The following UHRF1 variants were observed in gnomAD, a reference collection of about 807,000 sequenced individuals.
The protein encoded by UHRF1 is E3 ubiquitin-protein ligase UHRF1.
A neutral mutation model predicts 96.5 loss-of-function variants in UHRF1; 9 were observed. The ratio of observed to expected loss-of-function variants is 0.09; its 90% CI spans 0.06 to 0.16. The LOEUF (loss-of-function observed/expected upper bound fraction) is 0.16. UHRF1 is among the 10% of genes least tolerant of loss of function. The probability of loss-of-function intolerance (pLI) is 1.00; values close to 1 mark genes in which losing one functional copy is unlikely to be tolerated. For missense variants in UHRF1, 626 were observed against 1,131.1 expected (o/e 0.55, Z 6.40); for synonymous variants, 455 against 469.9 (o/e 0.97, Z 0.41).
chr19:4,955,826 C>T (rs2033843305), intron 15 of UHRF1, among the ~76,000 whole-genome samples: 1 of 152,174 alleles, frequency 6.6e-6, no homozygotes, highest in Admixed American at 6.5e-5. Flanking sequence ...GTGACAGGAG[C>T]TCACCCTGTC....
chr19:4,908,668 C>T (rs1180597814), upstream of UHRF1, among the ~76,000 whole-genome samples: 1 of 152,188 alleles, frequency 6.6e-6, no homozygotes, highest in Admixed American at 6.5e-5. Flanking sequence ...TCCTCTCTCC[C>T]CGCCTCCCAC....
rs1381426748 is a variant in UHRF1 at position 4,948,676 on chromosome 19, C to A, written c.1517+1465C>A. Among the ~76,000 whole-genome samples the A allele has an allele frequency of 2.0e-5, 3 of 152,042 alleles. No individual in the cohort carries two copies. The East Asian group carries it at 5.8e-4, about 29-fold the overall frequency. On this transcript the variant is annotated intron_variant, in intron 11 of 16. Transcript: ENST00000650932. Reference sequence around the variant, plus strand: ...AATTAGCTGGGTGTGGTGGCAGGCACCTGTAATCCCAGCTACTTGGGAGGC... The same window carrying A: ...AATTAGCTGGGTGTGGTGGCAGGCAACTGTAATCCCAGCTACTTGGGAGGC...
chr19:4,937,384 C>T (rs1362105198), intron 5 of UHRF1, among the ~76,000 whole-genome samples: 1 of 148,440 alleles, frequency 6.7e-6, no homozygotes, highest in Non-Finnish European at 1.5e-5. Context: ...TTTTTTGAGA[C>T]ACAGTCTTGC....
chr19:4,932,594 C>T, intron 4 of UHRF1, 147 bp from the exon 5 acceptor site: 1 of 788,736 alleles, frequency 1.3e-6, no homozygotes, highest in South Asian at 1.7e-5. Context: ...CTTAATATAC[C>T]TGTGTGTTCT....
At chr19:4,904,592 C>T (rs1456177517), upstream of UHRF1, among the ~76,000 whole-genome samples, 2 of 152,224 alleles carry the variant, frequency 1.3e-5, no homozygotes, top group African/African-American at 4.8e-5. Flanking sequence ...GCTGGGATTA[C>T]AGGCATGAGC....
At chr19:4,917,610 C>T (rs1310758988) in intron 2 of UHRF1, among the ~76,000 whole-genome samples, 11 of 145,076 alleles carry the variant, frequency 7.6e-5, no homozygotes, top group East Asian at 2.1e-4. Context: ...GCCGAGATCA[C>T]GCCACTGCAC....
At chr19:4,957,041 G>C (rs1374322295) in intron 16 of UHRF1, among the ~76,000 whole-genome samples, 1 of 152,300 alleles carries the variant, frequency 6.6e-6, no homozygotes, top group Non-Finnish European at 1.5e-5. Context: ...GGGTGGGAGA[G>C]GATGGGCCAC....
intron 10 of UHRF1, 150 bp from the exon 11 acceptor site, chr19:4,946,954 CA>C: frequency 1.6e-6 from 1 of 626,632 alleles, no homozygotes; most frequent in South Asian, 2.0e-5. Flanking sequence ...CAACAGTTTA[CA>C]AAGGGCTCCA....
upstream of UHRF1, among the ~76,000 whole-genome samples, chr19:4,905,710 G>T (rs1489142544): frequency 6.6e-6 from 1 of 151,956 alleles, no homozygotes; most frequent in African/African-American, 2.4e-5. Flanking sequence ...TAGAGACGGG[G>T]TTTCACCGTG....
intron 2 of UHRF1, among the ~76,000 whole-genome samples, chr19:4,913,807 C>G (rs981360116): frequency 9.1e-6 from 1 of 110,136 alleles, no homozygotes; most frequent in Admixed American, 9.7e-5. Flanking sequence ...CATGCAGTAG[C>G]TTTTTTTTTT....
intron 2 of UHRF1, among the ~76,000 whole-genome samples, chr19:4,926,802 C>T (rs1015327386): frequency 6.6e-6 from 1 of 151,766 alleles, no homozygotes; most frequent in Non-Finnish European, 1.5e-5. Context: ...CAGTGGCTCA[C>T]GCCTGTAATC....
At chr19:4,955,547 C>G (rs1568184923) in intron 15 of UHRF1, among the ~76,000 whole-genome samples, 1 of 152,090 alleles carries the variant, frequency 6.6e-6, no homozygotes, top group Non-Finnish European at 1.5e-5. Flanking sequence ...TGGTGCAGGT[C>G]TCAGGATTCA....
chr19:4,948,894 T>C (rs530187596), intron 11 of UHRF1, among the ~76,000 whole-genome samples: 3 of 137,360 alleles, frequency 2.2e-5, no homozygotes, highest in Non-Finnish European at 3.0e-5. Context: ...GAGGCTGAGG[T>C]GGGCGGATCA....
intron 4 of UHRF1, among the ~76,000 whole-genome samples, chr19:4,931,891 G>C (rs780157534): frequency 6.6e-6 from 1 of 152,192 alleles, no homozygotes; most frequent in African/African-American, 2.4e-5. Context: ...CTCCCAAGTG[G>C]CTGGGACTAC....
chr19:4,955,150 C>A (rs2033824860), intron 15 of UHRF1, among the ~76,000 whole-genome samples: 5 of 152,080 alleles, frequency 3.3e-5, no homozygotes, highest in Admixed American at 3.3e-4. Context: ...TCTCCCGGGG[C>A]TGTTGCAAAG....
At chr19:4,944,014 C>A (rs1006369825) in intron 7 of UHRF1, 118 bp from the exon 8 acceptor site, 4 of 1,481,006 alleles carry the variant, frequency 2.7e-6, no homozygotes, top group Middle Eastern at 2.4e-4. Context: ...GTGGACAGGG[C>A]AGGATGGTAG....
rs1324858559 is a variant in UHRF1 at position 4,927,250 on chromosome 19, C to T, written c.154-1972C>T. On this transcript the variant is annotated intron_variant, in intron 2 of 16. Coordinates refer to ENST00000650932, the MANE Select transcript of UHRF1 (RefSeq NM_001048201.3). ...CAAAAATTAGCTGGGTGTGATGGCT[C>T]ATGCCTATAGTCCCAAGCTACTCAG... 3.3e-5 allele frequency among the ~76,000 whole-genome samples: 5 copies of T among 151,384 alleles called. No individual in the cohort carries two copies. In the South Asian group the frequency reaches 6.3e-4, roughly 19 times the overall value.
Position 4,910,302 on chromosome 19 carries a change from A to G in UHRF1, c.-10-574A>G, listed in dbSNP as rs1364375947. ...GGCCGGGACGGGGCGGCCGGTTACC[A>G]TGGCCACCGCGGGGCGGGCCCGGTC... is the stretch of plus-strand genomic sequence containing the variant. On this transcript the variant is annotated intron_variant, in intron 1 of 16. Transcript: ENST00000650932. The G allele has an allele frequency of 9.8e-5, 13 of 132,530 alleles. No individual in the cohort carries two copies. In the East Asian group the frequency reaches 1.8e-3, roughly 18 times the overall value. The allele number at this position is 132,530 out of a possible 1,614,324, so 8.2% of individuals were successfully genotyped here.
At chr19:4,929,874 C>T (rs1405761465) in intron 3 of UHRF1, among the ~76,000 whole-genome samples, 1 of 152,034 alleles carries the variant, frequency 6.6e-6, no homozygotes, top group South Asian at 2.1e-4. Flanking sequence ...GATCACAGCT[C>T]ACTGTAGCCT....
Sources: allele counts gnomAD v4.1 joint callset (sites outside exome capture counted in the v4.1 genomes callset), GRCh38; gene constraint gnomAD v4.1.1; transcripts MANE v1.5; gene names NCBI Gene and HGNC (gene_info 2026-07-23, HGNC 2026-07-21).